SMYD3: variants seen among roughly 807,000 people sequenced by gnomAD.
SMYD3 encodes histone-lysine N-methyltransferase SMYD3.
SMYD3 carries 36 observed loss-of-function variants against 57.7 expected under a neutral mutation model. That is an observed-to-expected ratio of 0.62 (90% confidence interval 0.48 to 0.82). The LOEUF (loss-of-function observed/expected upper bound fraction) is 0.82. SMYD3 is among the 40% of genes least tolerant of loss of function. The probability of loss-of-function intolerance (pLI) is 0.00; values close to 1 mark genes in which losing one functional copy is unlikely to be tolerated. For missense variants in SMYD3, 515 were observed against 538.8 expected (o/e 0.96, Z 0.44); for synonymous variants, 211 against 195.0 (o/e 1.08, Z -0.68).
intron 5 of SMYD3, among the ~76,000 whole-genome samples, chr1:246,231,350 G>A (rs971307206): frequency 6.6e-6 from 1 of 152,078 alleles, no homozygotes; most frequent in Admixed American, 6.6e-5. Flanking sequence ...GTAGATATCA[G>A]CATCAGCAAT....
At chr1:245,794,501 T>C (rs1479250186) in intron 10 of SMYD3, among the ~76,000 whole-genome samples, 1 of 152,252 alleles carries the variant, frequency 6.6e-6, no homozygotes. Flanking sequence ...AGTGTGTGTG[T>C]ATTTACATTT....
intron 10 of SMYD3, among the ~76,000 whole-genome samples, chr1:245,785,445 G>A (rs185805622): frequency 1.3e-5 from 2 of 152,250 alleles, no homozygotes; most frequent in East Asian, 3.9e-4. Context: ...TATACTTGCA[G>A]ATGCAATACT....
At chr1:246,481,780 T>TAG (rs1202584533) in intron 1 of SMYD3, among the ~76,000 whole-genome samples, 5 of 138,526 alleles carry the variant, frequency 3.6e-5, no homozygotes, top group African/African-American at 1.2e-4. Flanking sequence ...AAGATATATA[T>TAG]ATATAGAGAG....
At chr1:246,078,824 A>T (rs997767504) in intron 5 of SMYD3, among the ~76,000 whole-genome samples, 7 of 152,246 alleles carry the variant, frequency 4.6e-5, no homozygotes, top group African/African-American at 1.7e-4. Flanking sequence ...GGGAAAAGTC[A>T]ACGATGATCT....
Position 246,244,003 on chromosome 1 carries a change from G to A in SMYD3, c.531+83198C>T, listed in dbSNP as rs138948900. 3.1e-4 allele frequency among the ~76,000 whole-genome samples: 33 copies of A among 105,266 alleles called. 1 individual carries two copies. The East Asian group carries it at 0.014, about 44-fold the overall frequency. 69.1% of individuals were successfully genotyped at this position (105,266 alleles called of 152,430 possible). The stretch of plus-strand genomic sequence containing the variant: ...TATGTGTATATACATATATATACAC[G>A]TATATATGTACATATATGTGTATAT... On this transcript the variant is annotated intron_variant, in intron 5 of 11. Coordinates refer to ENST00000490107, the MANE Select transcript of SMYD3 (RefSeq NM_001167740.2).
At chr1:246,326,410 A>G (rs1303792664) in intron 5 of SMYD3, 1 of 694,178 alleles carries the variant, frequency 1.4e-6, no homozygotes, top group South Asian at 1.6e-5. Flanking sequence ...TGAAGAAAAA[A>G]AAAAATCAAT....
At position 246,408,213 on chromosome 1, in the gene SMYD3, T is replaced by C. The variant is rs555604487; in HGVS notation, c.165-53119A>G. Among the ~76,000 whole-genome samples, 8 of 152,292 alleles carry C rather than the reference T, an allele frequency of 5.3e-5. No homozygotes were observed. The East Asian group carries it at 9.7e-4, about 18-fold the overall frequency. ...CAAACACTCTGACCACAACAGGTAATAGACACCATTTGATAAATAATTTTC... is the reference window on the plus strand; with the variant it reads ...CAAACACTCTGACCACAACAGGTAACAGACACCATTTGATAAATAATTTTC... On this transcript the variant is annotated intron_variant, in intron 1 of 11. Transcript: ENST00000490107.
chr1:246,363,110 C>T (rs1173110618), intron 1 of SMYD3, among the ~76,000 whole-genome samples: 1 of 151,460 alleles, frequency 6.6e-6, no homozygotes, highest in African/African-American at 2.4e-5. Flanking sequence ...TCTGCCTGGC[C>T]GCCCCGTCTG....
intron 10 of SMYD3, among the ~76,000 whole-genome samples, chr1:245,831,797 G>C (rs2049849158): frequency 6.6e-6 from 1 of 152,152 alleles, no homozygotes; most frequent in African/African-American, 2.4e-5. Context: ...CCCTCAAACT[G>C]GCCCTGAAAA....
intron 5 of SMYD3, among the ~76,000 whole-genome samples, chr1:246,222,197 C>T (rs1010837754): frequency 7.2e-5 from 11 of 152,086 alleles, no homozygotes; most frequent in African/African-American, 2.4e-4. Context: ...ATTAAAAGAA[C>T]ACTTTGGTAA....
chr1:245,971,446 TA>T (rs10714765), intron 5 of SMYD3, among the ~76,000 whole-genome samples: 150,625 of 151,906 alleles, frequency 0.99, 74,685 homozygotes, highest in Middle Eastern at 1. Context: ...AAAGTATAAT[TA>T]AAAAAAAAAA....
intron 1 of SMYD3, among the ~76,000 whole-genome samples, chr1:246,504,983 T>C (rs1035661862): frequency 3.3e-5 from 5 of 152,234 alleles, no homozygotes; most frequent in South Asian, 2.1e-4. Flanking sequence ...CCAGGCTCTT[T>C]GGAACACTAT....
At chr1:245,930,083 A>T in intron 5 of SMYD3, 146 bp from the exon 6 acceptor site, 1 of 684,292 alleles carries the variant, frequency 1.5e-6, no homozygotes, top group Non-Finnish European at 2.7e-6. Context: ...ATGCTCTTTG[A>T]CTTACAACAG....
In SMYD3 at chr1:246,207,603, G is replaced by C. The variant is rs191260127; in HGVS notation, c.531+119598C>G. Among the ~76,000 whole-genome samples, 572 of 152,100 alleles carry C rather than the reference G, an allele frequency of 3.8e-3. 3 individuals are homozygous for C. The highest frequency in any genetic ancestry group is 6.1e-3 in the Non-Finnish European group (416 of 67,986). On this transcript the variant is annotated intron_variant, in intron 5 of 11. Coordinates refer to ENST00000490107, the MANE Select transcript of SMYD3 (RefSeq NM_001167740.2). ...TATCTATCAAGGACACTTACAAACAGTAAAAGACAAAAGGACATACAAAGA... is the reference window on the plus strand; with the variant it reads ...TATCTATCAAGGACACTTACAAACACTAAAAGACAAAAGGACATACAAAGA...
chr1:246,014,279 G>A (rs751575000), intron 5 of SMYD3, among the ~76,000 whole-genome samples: 5 of 152,152 alleles, frequency 3.3e-5, no homozygotes, highest in Admixed American at 6.5e-5. Flanking sequence ...CCGAGATTGC[G>A]GCATTGCACT....
chr1:246,224,254 G>A (rs1030150484), intron 5 of SMYD3, among the ~76,000 whole-genome samples: 6 of 152,068 alleles, frequency 3.9e-5, no homozygotes, highest in Non-Finnish European at 7.4e-5. Flanking sequence ...CCTTTAGACT[G>A]AGTGGTCAGA....
chr1:246,110,929 A>C (rs2061226777), intron 5 of SMYD3, among the ~76,000 whole-genome samples: 1 of 152,094 alleles, frequency 6.6e-6, no homozygotes, highest in Non-Finnish European at 1.5e-5. Flanking sequence ...GATTTTAGAT[A>C]TTTCTCATTT....
intron 7 of SMYD3, among the ~76,000 whole-genome samples, chr1:245,917,430 G>A (rs550465181): frequency 8.5e-5 from 13 of 152,354 alleles, no homozygotes; most frequent in African/African-American, 2.9e-4. Context: ...AGGTAGAGAA[G>A]CAATGGCTTC....
chr1:246,353,061 C>T (rs1306144296), intron 2 of SMYD3, among the ~76,000 whole-genome samples: 4 of 152,086 alleles, frequency 2.6e-5, no homozygotes, highest in Admixed American at 6.5e-5. Flanking sequence ...CTTTCTGGAA[C>T]GAATACTGTA....
Sources: gnomAD v4.1 joint callset for allele counts (sites outside exome capture counted in the v4.1 genomes callset) on GRCh38, gnomAD v4.1.1 for gene constraint, MANE v1.5 for transcripts, NCBI Gene and HGNC (gene_info 2026-07-23, HGNC 2026-07-21) for gene names.